Variants in KIRREL3 observed in about 807,000 individuals in gnomAD.
KIRREL3 encodes the protein kin of IRRE-like protein 3.
Under a neutral mutation model 89.7 loss-of-function variants are expected in KIRREL3, and 36 were observed. The observed-to-expected ratio is 0.40, with a 90% CI of 0.31 to 0.53. KIRREL3 has a LOEUF of 0.53. KIRREL3 is among the 20% of genes least tolerant of loss of function. The pLI is 0.49. For missense variants in KIRREL3, 864 were observed against 1,056.6 expected (o/e 0.82, Z 2.53); for synonymous variants, 445 against 441.4 (o/e 1.01, Z -0.10).
intron 1 of KIRREL3, among the ~76,000 whole-genome samples, chr11:126,659,970 T>C (rs1359308595): frequency 2.0e-5 from 3 of 152,170 alleles, no homozygotes; most frequent in African/African-American, 7.2e-5. Context: ...TCTGGCAAGC[T>C]CCACCCTCTA....
At position 126,742,042 on chromosome 11, in the gene KIRREL3, G is replaced by T. The variant is rs896156631; in HGVS notation, c.56-179130C>A. ...GGAGGACGCTTGTGCTAAGAAGGGAGAACTATTTAGAACACATGTGAAACT... is the reference window on the plus strand; with the variant it reads ...GGAGGACGCTTGTGCTAAGAAGGGATAACTATTTAGAACACATGTGAAACT... On this transcript the variant is annotated intron_variant, in intron 1 of 16. Coordinates refer to ENST00000525144, the MANE Select transcript of KIRREL3 (RefSeq NM_032531.4). The surrounding 1 kb of genome is among the most constrained non-coding windows in gnomAD (Gnocchi z 5.3). Among the ~76,000 whole-genome samples the T allele has an allele frequency of 2.0e-5, 3 of 152,216 alleles. No homozygotes were observed. Among genetic ancestry groups the T allele is most frequent in the African/African-American group, 7.2e-5 (3 of 41,450 alleles).
intron 1 of KIRREL3, among the ~76,000 whole-genome samples, chr11:126,786,761 C>T (rs1051830898): frequency 6.6e-6 from 1 of 152,316 alleles, no homozygotes; most frequent in Middle Eastern, 3.4e-3. Context: ...GGGCTGAAAC[C>T]ATGAAGCATG....
At chr11:126,533,945 T>C (rs886125311) in intron 2 of KIRREL3, among the ~76,000 whole-genome samples, 2 of 152,142 alleles carry the variant, frequency 1.3e-5, no homozygotes, top group African/African-American at 2.4e-5. Flanking sequence ...CTGAGCTCCA[T>C]AGGGCTGGGC....
At chr11:126,865,261 G>A (rs2134639250) in intron 1 of KIRREL3, among the ~76,000 whole-genome samples, 1 of 152,320 alleles carries the variant, frequency 6.6e-6, no homozygotes, top group Non-Finnish European at 1.5e-5. Context: ...TATTTCATCG[G>A]CTAAAAGCAA....
At chr11:126,603,822 A>G (rs1942767977) in intron 1 of KIRREL3, among the ~76,000 whole-genome samples, 1 of 152,138 alleles carries the variant, frequency 6.6e-6, no homozygotes, top group African/African-American at 2.4e-5. Context: ...TGTATGGGAG[A>G]AGCCAGGGAG....
rs551792399 is a variant in KIRREL3, at chr11:126,633,213, C to T, written c.56-70301G>A. 1.3e-4 allele frequency among the ~76,000 whole-genome samples: 20 copies of T among 152,216 alleles called. No homozygotes were observed. In the South Asian group the frequency reaches 3.9e-3, roughly 30 times the overall value. On this transcript the variant is annotated intron_variant, in intron 1 of 16. Coordinates refer to ENST00000525144, the MANE Select transcript of KIRREL3 (RefSeq NM_032531.4). The stretch of plus-strand genomic sequence containing the variant: ...TTAAAATCTGATTTCCCAACACACA[C>T]CGGGGCCTGTTGTGGGGTGGGGGTG...
chr11:126,874,025 G>T (rs563024799), intron 1 of KIRREL3, among the ~76,000 whole-genome samples: 12 of 152,218 alleles, frequency 7.9e-5, no homozygotes, highest in Admixed American at 4.6e-4. Context: ...CCACATCTTT[G>T]CACCTCCCCT....
Position 126,427,297 on chromosome 11 carries a change from G to A in KIRREL3, c.1807-1573C>T, listed in dbSNP as rs1252626563. Among the ~76,000 whole-genome samples, 1 of 152,194 alleles carries A rather than the reference G, an allele frequency of 6.6e-6. No individual in the cohort carries two copies. Among genetic ancestry groups the A allele is most frequent in the East Asian group, 1.9e-4 (1 of 5,198 alleles). The stretch of plus-strand genomic sequence containing the variant: ...GTTAGGCCCCAGGGGAAATAGATGA[G>A]CGTAGACTCAGAAACATGACCTTTG... On this transcript the variant is annotated intron_variant, in intron 15 of 16. Transcript: ENST00000525144. This position sits in a 1 kb window ranked among gnomAD's most constrained non-coding sequence, Gnocchi z 5.3.
rs1009843004 is a variant in KIRREL3 at position 126,761,124 on chromosome 11, T to C, written c.56-198212A>G. Reference sequence around the variant, plus strand: ...GGCTCACTTCCTCCTGCCTGCTTCTTCTGAAGAATCTACTAGGGCTTGGAA... The same window carrying C: ...GGCTCACTTCCTCCTGCCTGCTTCTCCTGAAGAATCTACTAGGGCTTGGAA... On this transcript the variant is annotated intron_variant, in intron 1 of 16. Transcript: ENST00000525144. This position sits in a 1 kb window ranked among gnomAD's most constrained non-coding sequence, Gnocchi z 4.4. Among the ~76,000 whole-genome samples, 1 of 152,334 alleles carries C rather than the reference T, an allele frequency of 6.6e-6. No individual in the cohort carries two copies. The highest frequency in any genetic ancestry group is 1.9e-4 in the East Asian group (1 of 5,190).
In KIRREL3 at chr11:126,774,375, T is replaced by A. The variant is rs531871391; in HGVS notation, c.56-211463A>T. 7.9e-5 allele frequency among the ~76,000 whole-genome samples: 12 copies of A among 152,202 alleles called. No individual in the cohort carries two copies. The East Asian group carries it at 2.1e-3, about 27-fold the overall frequency. ...TAGGTGCCTAGAGCTTGCACACTGG[T>A]TCCCCCGTGGCAGGAGAGTGGGGCC... On this transcript the variant is annotated intron_variant, in intron 1 of 16. Coordinates refer to ENST00000525144, the MANE Select transcript of KIRREL3 (RefSeq NM_032531.4).
intron 1 of KIRREL3, among the ~76,000 whole-genome samples, chr11:126,928,835 G>A (rs1947823887): frequency 6.6e-6 from 1 of 152,190 alleles, no homozygotes; most frequent in Non-Finnish European, 1.5e-5. Context: ...TGGCGCTTAT[G>A]AGCTATGTGG....
rs1233600743 is a variant in KIRREL3 at position 126,525,220 on chromosome 11, G to T, written c.283+1318C>A. Among the ~76,000 whole-genome samples the T allele has an allele frequency of 6.6e-6, 1 of 152,218 alleles. No homozygotes were observed. Among genetic ancestry groups the T allele is most frequent in the African/African-American group, 2.4e-5 (1 of 41,468 alleles). The stretch of plus-strand genomic sequence containing the variant: ...CCCTGACGGAAGTTGGAAACCCACT[G>T]ACCGGGACCCCAGACAGCCTCCTTA... On this transcript the variant is annotated intron_variant, in intron 3 of 16. Coordinates refer to ENST00000525144, the MANE Select transcript of KIRREL3 (RefSeq NM_032531.4). This position sits in a 1 kb window ranked among gnomAD's most constrained non-coding sequence, Gnocchi z 5.4.
intron 1 of KIRREL3, among the ~76,000 whole-genome samples, chr11:126,815,561 T>C (rs549599792): frequency 1.3e-5 from 2 of 152,142 alleles, no homozygotes; most frequent in African/African-American, 4.8e-5. Context: ...TGAGGCGGAG[T>C]CTCCCTCTGT....
intron 1 of KIRREL3, among the ~76,000 whole-genome samples, chr11:126,916,807 A>T (rs1309177197): frequency 6.6e-6 from 1 of 152,198 alleles, no homozygotes; most frequent in South Asian, 2.1e-4. Context: ...AACTTCTCAC[A>T]TATGCACCTG....
At chr11:126,958,881 C>T (rs1272923286) in intron 1 of KIRREL3, among the ~76,000 whole-genome samples, 1 of 152,088 alleles carries the variant, frequency 6.6e-6, no homozygotes, top group Non-Finnish European at 1.5e-5. Flanking sequence ...ATAAAATTCC[C>T]AGATATTTGG....
At position 126,497,512 on chromosome 11, in the gene KIRREL3, A is replaced by G. The variant is rs575398757; in HGVS notation, c.433+23803T>C. On this transcript the variant is annotated intron_variant, in intron 4 of 16. Coordinates refer to ENST00000525144, the MANE Select transcript of KIRREL3 (RefSeq NM_032531.4). ...TACAGTGGCCGCAGGGCCACAACGC[A>G]CTCTTCCCAGAGCTGCTAGAGCTCA... Among the ~76,000 whole-genome samples, 3 of 152,126 alleles carry G rather than the reference A, an allele frequency of 2.0e-5. No individual in the cohort carries two copies. In the East Asian group the frequency reaches 5.8e-4, roughly 29 times the overall value.
At chr11:126,589,444 C>A (rs1391751676) in intron 1 of KIRREL3, among the ~76,000 whole-genome samples, 2 of 152,236 alleles carry the variant, frequency 1.3e-5, no homozygotes, top group Non-Finnish European at 2.9e-5. Flanking sequence ...CACCAGCAGG[C>A]AGGGACTCAG....
rs1184991445 is a variant in KIRREL3 at position 126,830,939 on chromosome 11, A to T, written c.55+169516T>A. Among the ~76,000 whole-genome samples the T allele has an allele frequency of 6.6e-6, 1 of 152,090 alleles. No homozygotes were observed. The highest frequency in any genetic ancestry group is 2.4e-5 in the African/African-American group (1 of 41,420). On this transcript the variant is annotated intron_variant, in intron 1 of 16. Coordinates refer to ENST00000525144, the MANE Select transcript of KIRREL3 (RefSeq NM_032531.4). This position sits in a 1 kb window ranked among gnomAD's most constrained non-coding sequence, Gnocchi z 4.9. Reference sequence around the variant, plus strand: ...GGCCACATATGCCTTCATTGATGTGAATAATACCACCCTGGGCATTACTAT... The same window carrying T: ...GGCCACATATGCCTTCATTGATGTGTATAATACCACCCTGGGCATTACTAT...
Position 126,796,785 on chromosome 11 carries a change from C to T in KIRREL3, c.55+203670G>A, listed in dbSNP as rs991350234. Among the ~76,000 whole-genome samples, 4 of 152,154 alleles carry T rather than the reference C, an allele frequency of 2.6e-5. No individual in the cohort carries two copies. Among genetic ancestry groups the T allele is most frequent in the African/African-American group, 9.7e-5 (4 of 41,432 alleles). On this transcript the variant is annotated intron_variant, in intron 1 of 16. Transcript: ENST00000525144. This position sits in a 1 kb window ranked among gnomAD's most constrained non-coding sequence, Gnocchi z 5.1. ...CAACTTCCCAGGCTGAAGCTATCCT[C>T]CTACCTCAGCCTGGCTGATTTTTTC...
Sources: gnomAD v4.1 joint callset for allele counts (sites outside exome capture counted in the v4.1 genomes callset) on GRCh38, gnomAD v4.1.1 for gene constraint, Gnocchi (gnomAD v3.1) non-coding constraint, MANE v1.5 for transcripts, NCBI Gene and HGNC (gene_info 2026-07-23, HGNC 2026-07-21) for gene names.